Variants in ABCA12 observed in about 807,000 individuals in gnomAD.
The protein encoded by ABCA12 is glucosylceramide transporter ABCA12.
In ABCA12, 156 loss-of-function variants were observed where a neutral mutation model predicts 293.5. The ratio of observed to expected loss-of-function variants is 0.53; its 90% CI spans 0.47 to 0.61. The LOEUF (loss-of-function observed/expected upper bound fraction) is 0.61. Ranked by LOEUF, ABCA12 falls within the 20% of genes least tolerant of loss-of-function variation. The probability of loss-of-function intolerance (pLI) is 0.00; values close to 1 mark genes in which losing one functional copy is unlikely to be tolerated. For missense variants in ABCA12, 2,797 were observed against 3,090.2 expected (o/e 0.91, Z 2.25); for synonymous variants, 1,063 against 1,108.0 (o/e 0.96, Z 0.81).
intron 2 of ABCA12, among the ~76,000 whole-genome samples, chr2:215,065,387 A>G (rs1327453023): frequency 6.7e-6 from 1 of 149,398 alleles, no homozygotes; most frequent in African/African-American, 2.4e-5. Flanking sequence ...AAAAAGAGAG[A>G]GAGAGAAAGA....
At chr2:214,980,691 G>T in intron 30 of ABCA12, 48 bp from the exon 31 acceptor site, 1 of 1,609,912 alleles carries the variant, frequency 6.2e-7, no homozygotes. Flanking sequence ...TGAAAGTACA[G>T]TTCCCAAGAC....
intron 2 of ABCA12, among the ~76,000 whole-genome samples, chr2:215,071,579 C>T (rs1339140460): frequency 6.6e-6 from 1 of 152,158 alleles, no homozygotes; most frequent in Non-Finnish European, 1.5e-5. Context: ...TGTTGAATCA[C>T]TGAATCACCA....
intron 22 of ABCA12, among the ~76,000 whole-genome samples, 181 bp downstream of exon 22, chr2:215,000,524 G>C (rs1700122024): frequency 6.6e-6 from 1 of 152,148 alleles, no homozygotes; most frequent in Admixed American, 6.6e-5. Flanking sequence ...CATCATTTTG[G>C]TATTGATGAG....
At chr2:215,031,007 C>T (rs966551399) in intron 9 of ABCA12, among the ~76,000 whole-genome samples, 1 of 152,112 alleles carries the variant, frequency 6.6e-6, no homozygotes, top group African/African-American at 2.4e-5. Flanking sequence ...CAGGCCATCT[C>T]GTCTCTAAAT....
chr2:214,986,826 A>G, intron 27 of ABCA12, 98 bp from the exon 28 acceptor site: 1 of 1,077,864 alleles, frequency 9.3e-7, no homozygotes, highest in South Asian at 1.4e-5. Context: ...CTATAAAAAT[A>G]TAACCCTCTA....
intron 2 of ABCA12, among the ~76,000 whole-genome samples, chr2:215,095,369 G>A (rs192524014): frequency 6.6e-5 from 10 of 152,088 alleles, no homozygotes; most frequent in East Asian, 1.9e-4. Context: ...TCTCTTATTC[G>A]GACCTTGTGT....
Position 214,953,959 on chromosome 2 carries a change from A to G in ABCA12, c.6542T>C (p.Phe2181Ser). The G allele has an allele frequency of 1.7e-5, 27 of 1,614,116 alleles. No individual in the cohort carries two copies. Among genetic ancestry groups the G allele is most frequent in the Non-Finnish European group, 2.3e-5 (27 of 1,179,980 alleles). The change falls in exon 44 of 53, where the codon TTT becomes TCT. Residue 2181 changes from phenylalanine to serine, a missense_variant. Physicochemically the swap from Phe to Ser is radical, Grantham distance 155. Around this residue, in one of 3 missense-constraint regions of ABCA12, gnomAD observed 2,130 missense variants for 2,427.0 expected, o/e 0.88. Transcript: ENST00000272895. ...AYGVEYPNET[F>S]EMNKLGAMFV... ...CATTGCACCTAGTTTATTCATCTCA[A>G]AGGTTTCATTTGGGTATTCCACTCC...
chr2:214,938,310 C>G (rs937897225), intron 50 of ABCA12, among the ~76,000 whole-genome samples: 2 of 152,226 alleles, frequency 1.3e-5, no homozygotes, highest in Admixed American at 1.3e-4. Context: ...GGCACATATA[C>G]ACCATAGTAT....
At chr2:215,024,116 T>G (rs1204093148) in intron 11 of ABCA12, among the ~76,000 whole-genome samples, 1 of 152,194 alleles carries the variant, frequency 6.6e-6, no homozygotes, top group African/African-American at 2.4e-5. Context: ...AACCTAATTC[T>G]ATGCAGCCTT....
Position 214,954,069 on chromosome 2 carries a change from G to A in ABCA12, c.6432C>T (p.Phe2144=), listed in dbSNP as rs1423474058. 4 of 1,613,804 alleles carry A rather than the reference G, an allele frequency of 2.5e-6. No homozygotes were observed. In the Admixed American group the frequency reaches 5.0e-5, roughly 20 times the overall value. The part of the protein sequence containing the change: ...ELISETLKRI[F]LIFPQFCFGY... ...CAAAACAGAATTGTGGGAAAATCAG[G>A]AAAATGCGCTTGAGGGTTTCAGAAA... The change falls in exon 44 of 53, where the codon TTC becomes TTT. Residue 2144 remains phenylalanine (F), a synonymous_variant. Coordinates refer to ENST00000272895, the MANE Select transcript of ABCA12 (RefSeq NM_173076.3).
intron 1 of ABCA12, among the ~76,000 whole-genome samples, chr2:215,137,049 C>T (rs1478625376): frequency 1.3e-5 from 2 of 151,136 alleles, no homozygotes; most frequent in East Asian, 3.9e-4. Context: ...TTTTTTTTTC[C>T]AGTTAAAAAA....
chr2:215,115,089 G>T (rs559348355), intron 1 of ABCA12, among the ~76,000 whole-genome samples: 10 of 152,164 alleles, frequency 6.6e-5, no homozygotes, highest in Non-Finnish European at 1.5e-4. Flanking sequence ...AGACAAAAAT[G>T]CAATCTATAC....
chr2:214,983,437 T>G (rs1250010297), intron 29 of ABCA12, among the ~76,000 whole-genome samples: 1 of 152,082 alleles, frequency 6.6e-6, no homozygotes, highest in East Asian at 1.9e-4. Context: ...GAGCCACAGA[T>G]GAAGAGAGTT....
At chr2:214,956,938 A>G (rs1227756483) in intron 41 of ABCA12, among the ~76,000 whole-genome samples, 160 bp from the exon 42 acceptor site, 2 of 152,156 alleles carry the variant, frequency 1.3e-5, no homozygotes, top group Admixed American at 6.5e-5. Context: ...CATTCAACTT[A>G]TTTTACATTG....
chr2:214,952,237 T>C (rs1456625457), intron 44 of ABCA12, among the ~76,000 whole-genome samples: 1 of 128,572 alleles, frequency 7.8e-6, no homozygotes, highest in Non-Finnish European at 1.7e-5. Flanking sequence ...TTTTTTTTTT[T>C]TGAGACGGAG....
intron 52 of ABCA12, among the ~76,000 whole-genome samples, chr2:214,933,527 T>C (rs535488456): frequency 8.9e-4 from 136 of 152,350 alleles, no homozygotes; most frequent in Middle Eastern, 3.4e-3. Context: ...TTGGTTGAGC[T>C]GTGCAAAATT....
rs545962721 is a variant in ABCA12, at chr2:214,968,892, CT to C, written c.5691-86del. 1,377 of 1,168,996 alleles carry C rather than the reference CT, an allele frequency of 1.2e-3. 2 individuals carry two copies. Among genetic ancestry groups the C allele is most frequent in the Non-Finnish European group, 1.6e-3 (1,235 of 787,830 alleles). The allele number at this position is 1,168,996 out of a possible 1,614,324, so 72.4% of individuals were successfully genotyped here. A position where few individuals can be genotyped will look rare whatever the true frequency, so the allele number is the denominator to read the frequency against. On this transcript the variant is annotated intron_variant, in intron 37 of 52. Coordinates refer to ENST00000272895, the MANE Select transcript of ABCA12 (RefSeq NM_173076.3). ...CTAAAATACTTAACGAGGAGCTCAA[CT>C]TTTTGTTTCTGTTAGGAACACATTT...
chr2:215,029,591 G>A (rs1363838368), intron 9 of ABCA12, among the ~76,000 whole-genome samples: 1 of 152,020 alleles, frequency 6.6e-6, no homozygotes, highest in East Asian at 1.9e-4. Flanking sequence ...TTAAAATAGA[G>A]GACAGTTGGG....
intron 7 of ABCA12, among the ~76,000 whole-genome samples, chr2:215,042,914 G>T (rs1701128804): frequency 6.6e-6 from 1 of 151,758 alleles, no homozygotes; most frequent in Non-Finnish European, 1.5e-5. Flanking sequence ...ACTTTTTTAG[G>T]ATCCACATAA....
Sources: gnomAD v4.1 joint callset for allele counts (sites outside exome capture counted in the v4.1 genomes callset) on GRCh38, gnomAD v4.1.1 for gene constraint, gnomAD v4.1.1 regional missense constraint, MANE v1.5 for transcripts, NCBI Gene and HGNC (gene_info 2026-07-23, HGNC 2026-07-21) for gene names.